Variants in MVB12B observed in about 807,000 individuals in gnomAD.
MVB12B encodes ESCRT-I complex subunit MVB12B.
A neutral mutation model predicts 41.6 loss-of-function variants in MVB12B; 16 were observed. That is an observed-to-expected ratio of 0.38 (90% CI 0.26 to 0.58). MVB12B has a LOEUF of 0.58. MVB12B is among the 20% of genes least tolerant of loss of function. MVB12B has a pLI of 0.62. For synonymous variants in MVB12B, 133 were observed against 139.7 expected (o/e 0.95, Z 0.34); for missense variants, 274 against 380.2 (o/e 0.72, Z 2.32).
rs374721425 is a variant in MVB12B at position 126,368,396 on chromosome 9, G to A, written c.205-12668G>A. ...TATCCCAGATTCCAGCCAGGAAGGG[G>A]CTTTGGAGCCTGCCCTGCTTTGCTT... On this transcript the variant is annotated intron_variant, in intron 2 of 9. Transcript: ENST00000361171. Among the ~76,000 whole-genome samples, 10 of 152,308 alleles carry A rather than the reference G, an allele frequency of 6.6e-5. No individual in the cohort carries two copies. In the East Asian group the frequency reaches 7.7e-4, roughly 12 times the overall value.
At chr9:126,372,988 A>G (rs889489373) in intron 2 of MVB12B, among the ~76,000 whole-genome samples, 4 of 152,176 alleles carry the variant, frequency 2.6e-5, no homozygotes, top group African/African-American at 9.7e-5. Flanking sequence ...GTACAGTACT[A>G]GGGTTAGACA....
chr9:126,429,764 A>C (rs1832280477), intron 7 of MVB12B, among the ~76,000 whole-genome samples: 2 of 152,206 alleles, frequency 1.3e-5, no homozygotes, highest in African/African-American at 4.8e-5. Flanking sequence ...ACTGAAGTTA[A>C]TGAACAGCGT....
rs776081200 is a variant in MVB12B at position 126,395,569 on chromosome 9, C to T, written c.540-6C>T. The T allele has an allele frequency of 1.9e-6, 3 of 1,612,262 alleles. No homozygotes were observed. The highest frequency in any genetic ancestry group is 2.5e-6 in the Non-Finnish European group (3 of 1,179,458). The stretch of plus-strand genomic sequence containing the variant: ...GAGCCATGAAGATTTCTCTTTTTTC[C>T]TAAAGGGAACTGAACAGCATGGGGA... On this transcript the variant is annotated splice_polypyrimidine_tract_variant and splice_region_variant and intron_variant, in intron 5 of 9. Coordinates refer to ENST00000361171, the MANE Select transcript of MVB12B (RefSeq NM_033446.3). This position sits in a 1 kb window ranked among gnomAD's most constrained non-coding sequence, Gnocchi z 4.9.
intron 9 of MVB12B, among the ~76,000 whole-genome samples, chr9:126,500,459 A>T (rs1474836986): frequency 6.7e-6 from 1 of 148,516 alleles, no homozygotes; most frequent in African/African-American, 2.5e-5. Context: ...CTGCCCATCC[A>T]TGTCCACACC....
At chr9:126,453,740 C>T (rs1832925643) in intron 7 of MVB12B, among the ~76,000 whole-genome samples, 1 of 152,254 alleles carries the variant, frequency 6.6e-6, no homozygotes, top group Non-Finnish European at 1.5e-5. Context: ...TACATACATA[C>T]CGTGTGCATG....
rs181146546 is a variant in MVB12B at position 126,399,358 on chromosome 9, G to A, written c.662+3661G>A. Among the ~76,000 whole-genome samples, 179 of 152,304 alleles carry A rather than the reference G, an allele frequency of 1.2e-3. 1 individual carries two copies. Among genetic ancestry groups the A allele is most frequent in the Admixed American group, 9.1e-4 (14 of 15,304 alleles). ...CCTGCCTGCCTATGTCATGCACGTC[G>A]ATCAACAGGAGAGAGCTGGCCTGGG... On this transcript the variant is annotated intron_variant, in intron 6 of 9. Coordinates refer to ENST00000361171, the MANE Select transcript of MVB12B (RefSeq NM_033446.3).
intron 5 of MVB12B, among the ~76,000 whole-genome samples, chr9:126,394,985 A>G (rs1831067991): frequency 1.3e-5 from 2 of 152,240 alleles, no homozygotes; most frequent in Middle Eastern, 3.4e-3. Context: ...GGGAGGTCAC[A>G]GGAGAGCTTA....
intron 7 of MVB12B, among the ~76,000 whole-genome samples, chr9:126,467,960 A>G (rs1039565239): frequency 2.0e-5 from 3 of 152,266 alleles, no homozygotes; most frequent in Non-Finnish European, 4.4e-5. Context: ...ATGTATGCAC[A>G]CATGTGTGTA....
intron 9 of MVB12B, among the ~76,000 whole-genome samples, 196 bp from the exon 10 acceptor site, chr9:126,502,981 G>A (rs1264186249): frequency 1.3e-5 from 2 of 152,210 alleles, no homozygotes; most frequent in African/African-American, 2.4e-5. Context: ...GCGTGTCCAC[G>A]CACACACGCC....
At chr9:126,368,011 T>C (rs1374650818) in intron 2 of MVB12B, among the ~76,000 whole-genome samples, 1 of 152,220 alleles carries the variant, frequency 6.6e-6, no homozygotes, top group Non-Finnish European at 1.5e-5. Flanking sequence ...TGATGGCACA[T>C]GCTGGGGAGG....
intron 7 of MVB12B, among the ~76,000 whole-genome samples, chr9:126,450,290 G>A (rs1490366130): frequency 1.3e-5 from 2 of 152,234 alleles, no homozygotes; most frequent in African/African-American, 4.8e-5. Flanking sequence ...CCTAATGGAT[G>A]GCCGGCTGAG....
intron 7 of MVB12B, among the ~76,000 whole-genome samples, chr9:126,455,388 A>G (rs1327148843): frequency 6.6e-6 from 1 of 151,766 alleles, no homozygotes; most frequent in Non-Finnish European, 1.5e-5. Context: ...GGGTTTCACC[A>G]TGTTGGCCAG....
chr9:126,470,101 C>T (rs1187328101), intron 7 of MVB12B, among the ~76,000 whole-genome samples: 3 of 152,166 alleles, frequency 2.0e-5, no homozygotes, highest in Non-Finnish European at 2.9e-5. Flanking sequence ...TTATTACTGC[C>T]GTACAGAGGA....
At chr9:126,409,076 G>C (rs751910474) in intron 6 of MVB12B, among the ~76,000 whole-genome samples, 1 of 152,028 alleles carries the variant, frequency 6.6e-6, no homozygotes, top group Non-Finnish European at 1.5e-5. Flanking sequence ...CCACCATTCT[G>C]CTGAGCCCCT....
intron 2 of MVB12B, among the ~76,000 whole-genome samples, chr9:126,349,463 C>A (rs2118854108): frequency 6.6e-6 from 1 of 152,314 alleles, no homozygotes; most frequent in East Asian, 1.9e-4. Context: ...CCATAAGGAT[C>A]TTTCATGTTG....
At chr9:126,401,981 C>T (rs1334750982) in intron 6 of MVB12B, among the ~76,000 whole-genome samples, 2 of 152,186 alleles carry the variant, frequency 1.3e-5, no homozygotes, top group African/African-American at 4.8e-5. Context: ...AGGACTTGAA[C>T]GAAAGGCCCA....
intron 2 of MVB12B, among the ~76,000 whole-genome samples, chr9:126,362,223 C>G (rs1830047755): frequency 6.6e-6 from 1 of 152,002 alleles, no homozygotes. Context: ...TTCTGGGACT[C>G]CAGTGACATG....
rs1833620355 is a variant in MVB12B, at chr9:126,486,405, C to G, written c.873+2373C>G. ...GAGCTGCTGCTGCCACAGGTGGTCA[C>G]CAGGGCAGAGGTTACACTGACATAC... On this transcript the variant is annotated intron_variant, in intron 9 of 9. Coordinates refer to ENST00000361171, the MANE Select transcript of MVB12B (RefSeq NM_033446.3). This position sits in a 1 kb window ranked among gnomAD's most constrained non-coding sequence, Gnocchi z 4.7. Among the ~76,000 whole-genome samples the G allele has an allele frequency of 6.6e-6, 1 of 152,166 alleles. No homozygotes were observed. Among genetic ancestry groups the G allele is most frequent in the South Asian group, 2.1e-4 (1 of 4,832 alleles).
In MVB12B at chr9:126,413,930, G is replaced by A. The variant is rs1053904602; in HGVS notation, c.663-7924G>A. ...CTGCCTTGCTAGTCACCACTCTCTC[G>A]ACGCTGCCCTTTGACAGTCTGGGAG... On this transcript the variant is annotated intron_variant, in intron 6 of 9. Coordinates refer to ENST00000361171, the MANE Select transcript of MVB12B (RefSeq NM_033446.3). Among the ~76,000 whole-genome samples the A allele has an allele frequency of 1.6e-4, 25 of 151,776 alleles. 1 individual carries two copies. Among genetic ancestry groups the A allele is most frequent in the African/African-American group, 5.1e-4 (21 of 41,388 alleles).
Sources: allele counts gnomAD v4.1 joint callset (sites outside exome capture counted in the v4.1 genomes callset), GRCh38; gene constraint gnomAD v4.1.1; non-coding constraint Gnocchi (gnomAD v3.1); transcripts MANE v1.5; gene names NCBI Gene and HGNC (gene_info 2026-07-23, HGNC 2026-07-21).